Variants in LPP observed in about 807,000 individuals in gnomAD.
LPP encodes LIM domain containing preferred translocation partner in lipoma.
A neutral mutation model predicts 60.4 loss-of-function variants in LPP; 38 were observed. The ratio of observed to expected loss-of-function variants is 0.63; its 90% CI spans 0.49 to 0.83. The LOEUF (loss-of-function observed/expected upper bound fraction) is 0.83. Ranked by LOEUF, LPP falls within the 40% of genes least tolerant of loss-of-function variation. The pLI, the probability that LPP is intolerant of heterozygous loss-of-function variation, is 0.00. For synonymous variants in LPP, 328 were observed against 290.8 expected (o/e 1.13, Z -1.30); for missense variants, 902 against 783.6 (o/e 1.15, Z -1.80).
chr3:188,462,458 T>G (rs1799177479), intron 4 of LPP, among the ~76,000 whole-genome samples: 1 of 148,420 alleles, frequency 6.7e-6, no homozygotes, highest in South Asian at 2.1e-4. Context: ...CCAATTTATA[T>G]GAGCTTCATA....
At chr3:188,593,350 A>G (rs1839332468) in intron 6 of LPP, among the ~76,000 whole-genome samples, 1 of 152,136 alleles carries the variant, frequency 6.6e-6, no homozygotes, top group South Asian at 2.1e-4. Flanking sequence ...CACAGATTAA[A>G]TAGAGAAAAT....
chr3:188,501,203 C>T lies in LPP; in HGVS notation c.306+16499C>T, dbSNP rs1435220196. Reference sequence around the variant, plus strand: ...AATGGTGTATAGCTATAAATTGCCTCGTTTGCACTGTTTTCACTGTTTCCC... The same window carrying T: ...AATGGTGTATAGCTATAAATTGCCTTGTTTGCACTGTTTTCACTGTTTCCC... On this transcript the variant is annotated intron_variant, in intron 5 of 11. Coordinates refer to ENST00000617246, the MANE Select transcript of LPP (RefSeq NM_001375462.1). Among the ~76,000 whole-genome samples the T allele has an allele frequency of 5.9e-5, 9 of 152,218 alleles. 1 individual carries two copies. The South Asian group carries it at 8.3e-4, about 14-fold the overall frequency.
At chr3:188,856,173 C>T (rs998881217) in intron 9 of LPP, among the ~76,000 whole-genome samples, 8 of 152,168 alleles carry the variant, frequency 5.3e-5, no homozygotes, top group African/African-American at 1.9e-4. Context: ...CTGTATGAGA[C>T]TTCTTATTGG....
intron 9 of LPP, among the ~76,000 whole-genome samples, chr3:188,815,400 T>C (rs1163861016): frequency 1.3e-5 from 2 of 152,152 alleles, no homozygotes; most frequent in African/African-American, 4.8e-5. Flanking sequence ...TAGAGCCAGT[T>C]ATAGGTTTGG....
rs910653696 is a variant in LPP at position 188,882,594 on chromosome 3, G to A, written c.*8115G>A. ...TACATCTTCTATTCTTGCAGCAAGG[G>A]TACATGTCCTTTGACCCTCCACAAA... On this transcript the variant is annotated 3_prime_UTR_variant, in exon 12 of 12. Transcript: ENST00000617246. 4 of 221,222 alleles carry A rather than the reference G, an allele frequency of 1.8e-5. No homozygotes were observed. The highest frequency in any genetic ancestry group is 9.0e-5 in the African/African-American group (4 of 44,556). 13.7% of individuals were successfully genotyped at this position (221,222 alleles called of 1,614,324 possible).
chr3:188,713,938 C>A (rs1361459548), intron 8 of LPP, among the ~76,000 whole-genome samples: 1 of 152,138 alleles, frequency 6.6e-6, no homozygotes, highest in African/African-American at 2.4e-5. Flanking sequence ...TACACATCTT[C>A]TATTGCTGGT....
rs376362526 is a variant in LPP, at chr3:188,531,756, C to G, written c.429+6969C>G. ...CATCATCTGCCTGTCCATCTTTATCCTTTATCGTATCCTCTATAATAAACT... is the reference window on the plus strand; with the variant it reads ...CATCATCTGCCTGTCCATCTTTATCGTTTATCGTATCCTCTATAATAAACT... On this transcript the variant is annotated intron_variant, in intron 6 of 11. Coordinates refer to ENST00000617246, the MANE Select transcript of LPP (RefSeq NM_001375462.1). Among the ~76,000 whole-genome samples, 12 of 152,246 alleles carry G rather than the reference C, an allele frequency of 7.9e-5. No homozygotes were observed. In the East Asian group the frequency reaches 2.1e-3, roughly 27 times the overall value.
intron 5 of LPP, among the ~76,000 whole-genome samples, chr3:188,524,440 TG>T (rs1362331425): frequency 1.3e-5 from 2 of 152,192 alleles, no homozygotes; most frequent in Non-Finnish European, 2.9e-5. Flanking sequence ...GCTAAATAAG[TG>T]TGTGACCTGA....
intron 4 of LPP, among the ~76,000 whole-genome samples, chr3:188,461,214 T>A (rs886495261): frequency 1.3e-5 from 2 of 152,196 alleles, no homozygotes; most frequent in Non-Finnish European, 2.9e-5. Context: ...TAGTGACCCC[T>A]AAGGATATCA....
At chr3:188,868,629 G>A (rs1428206511) in intron 10 of LPP, among the ~76,000 whole-genome samples, 1 of 152,128 alleles carries the variant, frequency 6.6e-6, no homozygotes, top group East Asian at 1.9e-4. Context: ...TTATTTATAA[G>A]CCTTAAAATT....
chr3:188,419,032 A>G (rs1013673262), intron 4 of LPP, among the ~76,000 whole-genome samples: 1 of 152,146 alleles, frequency 6.6e-6, no homozygotes, highest in African/African-American at 2.4e-5. Context: ...CATCCTCTGT[A>G]AAAATTACCT....
rs184752638 is a variant in LPP, at chr3:188,206,451, T to G, written c.-189-18954T>G. Among the ~76,000 whole-genome samples the G allele has an allele frequency of 1.1e-3, 171 of 152,336 alleles. 1 individual carries two copies. The highest frequency in any genetic ancestry group is 3.7e-3 in the African/African-American group (153 of 41,586). ...ATTGTGTTACCTTCCTGGTCCAACC[T>G]TCACAGACATTGTCTGACTAAGTAT... is the stretch of plus-strand genomic sequence containing the variant. On this transcript the variant is annotated intron_variant, in intron 1 of 11. Transcript: ENST00000617246.
chr3:188,668,231 T>C (rs1437034983), intron 7 of LPP, among the ~76,000 whole-genome samples: 2 of 152,206 alleles, frequency 1.3e-5, no homozygotes, highest in African/African-American at 4.8e-5. Flanking sequence ...CCTCATTTAT[T>C]CTTAAAGATG....
rs147438335 is a variant in LPP, at chr3:188,397,203, G to C, written c.-9-8909G>C. 1.1e-3 allele frequency among the ~76,000 whole-genome samples: 173 copies of C among 152,242 alleles called. 1 individual carries two copies. The highest frequency in any genetic ancestry group is 4.0e-3 in the African/African-American group (165 of 41,546). ...ACTTTCCCACTGCAGATGCTCTTTG[G>C]AGACAGAATATTTGGGTTTAAACCC... On this transcript the variant is annotated intron_variant, in intron 3 of 11. Transcript: ENST00000617246.
chr3:188,246,956 T>G (rs748161379), intron 2 of LPP, among the ~76,000 whole-genome samples: 10 of 152,194 alleles, frequency 6.6e-5, no homozygotes, highest in Non-Finnish European at 1.3e-4. Flanking sequence ...AGCCAAGACC[T>G]GGAGAGAGAA....
At position 188,866,387 on chromosome 3, in the gene LPP, C is replaced by T. The variant is rs749819779; in HGVS notation, c.1589+9C>T. 1 of 1,445,524 alleles carries T rather than the reference C, an allele frequency of 6.9e-7. No homozygotes were observed. Among genetic ancestry groups the T allele is most frequent in the Non-Finnish European group, 9.2e-7 (1 of 1,085,706 alleles). The allele number at this position is 1,445,524 out of a possible 1,614,324, so 89.5% of individuals were successfully genotyped here. A position where few individuals can be genotyped will look rare whatever the true frequency, so the allele number is the denominator to read the frequency against. The stretch of plus-strand genomic sequence containing the variant: ...ATTGAGGACTTCCACAAGTAGGCAA[C>T]CTACTCTCTCGTCACCACCCTGCCA... On this transcript the variant is annotated intron_variant, in intron 10 of 11. Coordinates refer to ENST00000617246, the MANE Select transcript of LPP (RefSeq NM_001375462.1).
chr3:188,344,768 A>G (rs781641901), intron 3 of LPP, among the ~76,000 whole-genome samples: 2 of 152,214 alleles, frequency 1.3e-5, no homozygotes, highest in Non-Finnish European at 2.9e-5. Context: ...GCATTTATAC[A>G]CCGGTAGCGG....
chr3:188,729,998 G>A (rs1174721823), intron 8 of LPP, among the ~76,000 whole-genome samples: 1 of 151,990 alleles, frequency 6.6e-6, no homozygotes, highest in Non-Finnish European at 1.5e-5. Flanking sequence ...TCCAAAAAAA[G>A]AATACTATTA....
intron 6 of LPP, among the ~76,000 whole-genome samples, chr3:188,543,984 T>C (rs1254131261): frequency 6.6e-6 from 1 of 152,158 alleles, no homozygotes; most frequent in East Asian, 1.9e-4. Flanking sequence ...ATGTGGGGTA[T>C]CATGAGAAGA....
Sources: gnomAD v4.1 joint callset for allele counts (sites outside exome capture counted in the v4.1 genomes callset) on GRCh38, gnomAD v4.1.1 for gene constraint, MANE v1.5 for transcripts, NCBI Gene and HGNC (gene_info 2026-07-23, HGNC 2026-07-21) for gene names.